Variants in B3GLCT observed in about 807,000 individuals in gnomAD.
B3GLCT encodes the protein beta 3-glucosyltransferase.
Under a neutral mutation model 63.4 loss-of-function variants are expected in B3GLCT, and 65 were observed. That is an observed-to-expected ratio of 1.03 (90% CI 0.84 to 1.26). The LOEUF (loss-of-function observed/expected upper bound fraction) is 1.26, where lower values mean the gene tolerates loss of function less well. B3GLCT is among the 50% of genes most tolerant of loss of function. The pLI is 0.00. For missense variants in B3GLCT, 577 were observed against 604.8 expected, an observed-to-expected ratio of 0.95 and a Z score of 0.48; for synonymous variants, 233 against 219.2, an observed-to-expected ratio of 1.06 and a Z score of -0.55.
At chr13:31,245,532 G>GTT (rs1871158586) in intron 4 of B3GLCT, among the ~76,000 whole-genome samples, 1 of 151,636 alleles carries the variant, frequency 6.6e-6, no homozygotes, top group Non-Finnish European at 1.5e-5. Context: ...ATCATGTCTG[G>GTT]TTTTTTTCTA....
intron 12 of B3GLCT, among the ~76,000 whole-genome samples, chr13:31,292,403 A>G (rs1011347589): frequency 1.1e-4 from 16 of 152,080 alleles, no homozygotes; most frequent in African/African-American, 3.9e-4. Context: ...TCCTCTTTGT[A>G]TCTCTAGTGG....
At chr13:31,269,625 TTGAA>T (rs1872492411) in intron 8 of B3GLCT, among the ~76,000 whole-genome samples, 1 of 148,784 alleles carries the variant, frequency 6.7e-6, no homozygotes, top group Non-Finnish European at 1.5e-5. Flanking sequence ...CCAGTGTAGA[TTGAA>T]TGATCATGTC....
chr13:31,202,672 ATTGT>A (rs1411919415), intron 1 of B3GLCT, among the ~76,000 whole-genome samples: 1 of 152,054 alleles, frequency 6.6e-6, no homozygotes, highest in African/African-American at 2.4e-5. Context: ...ATCTTTAGAG[ATTGT>A]TTGGTGGGGC....
intron 12 of B3GLCT, among the ~76,000 whole-genome samples, chr13:31,311,920 C>CCA (rs1874731415): frequency 6.6e-6 from 1 of 152,090 alleles, no homozygotes. Context: ...ATTAAACTTC[C>CCA]CATAACAAAG....
intron 6 of B3GLCT, among the ~76,000 whole-genome samples, chr13:31,251,403 T>C (rs1871420966): frequency 6.6e-6 from 1 of 152,104 alleles, no homozygotes; most frequent in Non-Finnish European, 1.5e-5. Flanking sequence ...CGAAGGTGGG[T>C]AATAACAAAC....
rs996649150 is a variant in B3GLCT at position 31,291,597 on chromosome 13, C to T, written c.1064+4778C>T. ...TTCTTGTTGTAGCAATTGTGAATGG[C>T]AGTTCACTCGTGATTTGCTTCTCTA... On this transcript the variant is annotated intron_variant, in intron 12 of 14. Transcript: ENST00000343307. 1.2e-4 allele frequency among the ~76,000 whole-genome samples: 18 copies of T among 152,146 alleles called. 1 individual carries two copies. The highest frequency in any genetic ancestry group is 4.3e-4 in the African/African-American group (18 of 41,526).
chr13:31,281,050 T>C (rs895058400), intron 10 of B3GLCT, among the ~76,000 whole-genome samples: 1 of 152,204 alleles, frequency 6.6e-6, no homozygotes, highest in African/African-American at 2.4e-5. Flanking sequence ...ACCTGAGCTG[T>C]CAGAAAACCT....
intron 4 of B3GLCT, among the ~76,000 whole-genome samples, chr13:31,240,453 C>G (rs1316176386): frequency 1.3e-5 from 2 of 148,936 alleles, no homozygotes; most frequent in Non-Finnish European, 3.0e-5. Context: ...AAGAGTTAGG[C>G]CCTTGCCTCT....
intron 12 of B3GLCT, among the ~76,000 whole-genome samples, chr13:31,291,550 A>G (rs1873659607): frequency 6.6e-6 from 1 of 152,102 alleles, no homozygotes; most frequent in African/African-American, 2.4e-5. Flanking sequence ...ATCCCTTGTA[A>G]GTTGGATTCC....
At chr13:31,214,948 T>C in intron 1 of B3GLCT, 103 bp from the exon 2 acceptor site, 5 of 1,146,326 alleles carry the variant, frequency 4.4e-6, no homozygotes, top group South Asian at 1.4e-5. Context: ...AAATATGTCT[T>C]GTTAAAGTAT....
At chr13:31,260,290 A>G (rs1593280306) in intron 6 of B3GLCT, 1 of 152,170 alleles carries the variant, frequency 6.6e-6, no homozygotes, top group Non-Finnish European at 1.5e-5. Context: ...TCTTCATTAG[A>G]TGACTAACAG....
At chr13:31,249,504 G>A (rs965229054) in intron 6 of B3GLCT, among the ~76,000 whole-genome samples, 4 of 152,146 alleles carry the variant, frequency 2.6e-5, no homozygotes, top group African/African-American at 7.2e-5. Context: ...TTTTTAGGAT[G>A]TAGGAGTTTT....
Position 31,331,306 on chromosome 13 carries a change from C to G in B3GLCT, c.*1638C>G, listed in dbSNP as rs971902086. ...AAAGAGTCTCCAGTTCTGCTCTGGC[C>G]TACTAACTGTTACCACTGAGAGAAC... On this transcript the variant is annotated 3_prime_UTR_variant, in exon 15 of 15. Transcript: ENST00000343307. 6.6e-6 allele frequency: 1 copy of G among 152,220 alleles called. No individual in the cohort carries two copies. The highest frequency in any genetic ancestry group is 2.4e-5 in the African/African-American group (1 of 41,448). 9.4% of individuals were successfully genotyped at this position (152,220 alleles called of 1,614,324 possible).
intron 4 of B3GLCT, among the ~76,000 whole-genome samples, chr13:31,240,127 G>A (rs865972288): frequency 6.6e-6 from 1 of 151,958 alleles, no homozygotes; most frequent in Non-Finnish European, 1.5e-5. Context: ...TGCAAATACT[G>A]CCCCCCTCTC....
intron 4 of B3GLCT, among the ~76,000 whole-genome samples, chr13:31,232,021 T>C (rs1870405693): frequency 6.6e-6 from 1 of 152,162 alleles, no homozygotes; most frequent in Non-Finnish European, 1.5e-5. Context: ...TGAGGCAAGA[T>C]GGTAGGCAGC....
intron 6 of B3GLCT, among the ~76,000 whole-genome samples, chr13:31,254,383 A>G (rs1871611153): frequency 6.6e-6 from 1 of 152,212 alleles, no homozygotes; most frequent in African/African-American, 2.4e-5. Context: ...ATGCAAATCA[A>G]TAAATGTAAT....
intron 4 of B3GLCT, among the ~76,000 whole-genome samples, chr13:31,240,483 T>TTC (rs1374114692): frequency 1.3e-5 from 2 of 151,416 alleles, no homozygotes; most frequent in African/African-American, 2.4e-5. Flanking sequence ...TTTTTCTTTT[T>TTC]TTTTTTTTAT....
chr13:31,218,927 GC>G (rs1259044272), intron 2 of B3GLCT, among the ~76,000 whole-genome samples: 7 of 104,138 alleles, frequency 6.7e-5, no homozygotes, highest in African/African-American at 2.0e-4. Flanking sequence ...TTTATCAGAA[GC>G]CCTTTTTTTT....
intron 1 of B3GLCT, among the ~76,000 whole-genome samples, chr13:31,203,929 A>G (rs1428425023): frequency 6.6e-6 from 1 of 152,216 alleles, no homozygotes; most frequent in African/African-American, 2.4e-5. Context: ...AAATAGTGTT[A>G]AAAAGAAAAA....
Sources: allele counts gnomAD v4.1 joint callset (sites outside exome capture counted in the v4.1 genomes callset), GRCh38; gene constraint gnomAD v4.1.1; transcripts MANE v1.5; gene names NCBI Gene and HGNC (gene_info 2026-07-23, HGNC 2026-07-21).